CPS1: variants seen among roughly 807,000 people sequenced by gnomAD.
CPS1 encodes the protein carbamoyl-phosphate synthase [ammonia], mitochondrial.
A neutral mutation model predicts 174.6 loss-of-function variants in CPS1; 109 were observed. That is an observed-to-expected ratio of 0.62 (90% CI 0.53 to 0.73). The LOEUF (loss-of-function observed/expected upper bound fraction) is 0.73. Ranked by LOEUF, CPS1 falls within the 30% of genes least tolerant of loss-of-function variation. The pLI is 0.00. For missense variants in CPS1, 1,689 were observed against 1,821.9 expected (o/e 0.93, Z 1.33); for synonymous variants, 637 against 632.0 (o/e 1.01, Z -0.12).
At position 210,678,316 on chromosome 2, in the gene CPS1, C is replaced by T. The variant is rs908129810; in HGVS notation, c.*331C>T. 2.6e-5 allele frequency: 10 copies of T among 378,850 alleles called. No individual in the cohort carries two copies. Among genetic ancestry groups the T allele is most frequent in the South Asian group, 2.1e-4 (9 of 42,464 alleles). The allele number at this position is 378,850 out of a possible 1,614,324, so 23.5% of individuals were successfully genotyped here. A position where few individuals can be genotyped will look rare whatever the true frequency, so the allele number is the denominator to read the frequency against. On this transcript the variant is annotated 3_prime_UTR_variant, in exon 38 of 38. Coordinates refer to ENST00000233072, the MANE Select transcript of CPS1 (RefSeq NM_001875.5). The stretch of plus-strand genomic sequence containing the variant: ...GATCAAGGTAGGAAAAGTTGCTGTT[C>T]TATTTTCTGAACTCTTTCTATACTT...
rs1372183360 is a variant in CPS1, at chr2:210,512,859, T to TAG, written c.3+35094_3+35095insGA. On this transcript the variant is annotated intron_variant, in intron 1 of 38. Coordinates refer to the CPS1 transcript ENST00000430249. ...ATATACATATATGGAGATATATATA[T>TAG]ATAGATATATATATATAGAGATATA... 1.6e-4 allele frequency among the ~76,000 whole-genome samples: 9 copies of TAG among 55,560 alleles called. 2 individuals are homozygous for TAG. The highest frequency in any genetic ancestry group is 4.8e-4 in the African/African-American group (8 of 16,594). 36.4% of individuals were successfully genotyped at this position (55,560 alleles called of 152,430 possible).
intron 1 of CPS1, among the ~76,000 whole-genome samples, chr2:210,524,298 A>G (rs1013378650): frequency 1.3e-5 from 2 of 151,946 alleles, no homozygotes; most frequent in African/African-American, 2.4e-5. Flanking sequence ...TTGAACCTAC[A>G]TGATATCTAG....
At chr2:210,664,905 G>A (rs1435759704) in intron 33 of CPS1, among the ~76,000 whole-genome samples, 5 of 152,160 alleles carry the variant, frequency 3.3e-5, no homozygotes, top group Non-Finnish European at 7.4e-5. Context: ...CATTTTCAGT[G>A]TCCAAATGGC....
At chr2:210,525,814 A>AGT (rs962562249) in intron 1 of CPS1, among the ~76,000 whole-genome samples, 1 of 149,774 alleles carries the variant, frequency 6.7e-6, no homozygotes, top group Non-Finnish European at 1.5e-5. Context: ...ATGGAGAGAG[A>AGT]GAGAGAGAGA....
rs754222806 is a variant in CPS1, at chr2:210,600,537, TATTTG to T, written c.1550-17_1550-13del. 3.4e-5 allele frequency: 54 copies of T among 1,611,148 alleles called. No homozygotes were observed. In the African/African-American group the frequency reaches 6.5e-4, roughly 20 times the overall value. On this transcript the variant is annotated splice_polypyrimidine_tract_variant and intron_variant, in intron 14 of 37. Coordinates refer to ENST00000233072, the MANE Select transcript of CPS1 (RefSeq NM_001875.5). ...AATTCAAGATTTTAAAAACTAATCCTATTTGGTTCTTCTTTAGGAGTGGAACTATT... is the reference window on the plus strand; with the variant it reads ...AATTCAAGATTTTAAAAACTAATCCTGTTCTTCTTTAGGAGTGGAACTATT...
intron 1 of CPS1, among the ~76,000 whole-genome samples, chr2:210,512,964 AT>A (rs1559056199): frequency 4.4e-4 from 9 of 20,624 alleles, no homozygotes; most frequent in East Asian, 1.0e-3. Flanking sequence ...AGATATATAT[AT>A]GGAGATATAT....
chr2:210,495,820 G>C (rs1694978850), intron 1 of CPS1, among the ~76,000 whole-genome samples: 1 of 152,056 alleles, frequency 6.6e-6, no homozygotes. Context: ...ACCGAGCATA[G>C]AATTCACTAC....
At chr2:210,625,792 AGAAACAGGTAG>A (rs1237490395) in intron 21 of CPS1, among the ~76,000 whole-genome samples, 1 of 152,142 alleles carries the variant, frequency 6.6e-6, no homozygotes, top group Non-Finnish European at 1.5e-5. Flanking sequence ...ACACATAGTG[AGAAACAGGTAG>A]GTAAAGGTAT....
intron 23 of CPS1, 32 bp downstream of exon 23, chr2:210,639,247 G>A (rs1292064127): frequency 6.1e-6 from 9 of 1,473,718 alleles, no homozygotes; most frequent in Admixed American, 1.7e-5. Context: ...TATCCAGAAA[G>A]CTCTAGATTT....
chr2:210,657,226 A>G (rs1172551182), intron 30 of CPS1: 2 of 157,226 alleles, frequency 1.3e-5, no homozygotes, highest in African/African-American at 4.8e-5. Flanking sequence ...TCCGAGAGCC[A>G]GCCGTATAAA....
upstream of CPS1, chr2:210,556,222 G>A: frequency 2.6e-6 from 1 of 387,990 alleles, no homozygotes; most frequent in South Asian, 1.9e-5. Context: ...AAAGAACATT[G>A]TCTTTTTACC....
At chr2:210,548,045 G>A (rs867166483) in intron 1 of CPS1, among the ~76,000 whole-genome samples, 6 of 151,712 alleles carry the variant, frequency 4.0e-5, no homozygotes, top group African/African-American at 1.5e-4. Context: ...AAATTTTTGG[G>A]GTCAAAGTCT....
intron 1 of CPS1, among the ~76,000 whole-genome samples, chr2:210,512,578 C>G (rs1324726369): frequency 2.6e-5 from 4 of 150,986 alleles, no homozygotes; most frequent in Non-Finnish European, 5.9e-5. Flanking sequence ...GGTATATATG[C>G]AGCATGTTTT....
At chr2:210,536,579 G>T (rs1696260539) in intron 1 of CPS1, among the ~76,000 whole-genome samples, 1 of 152,090 alleles carries the variant, frequency 6.6e-6, no homozygotes, top group African/African-American at 2.4e-5. Flanking sequence ...GCCCGCCTCG[G>T]CCTCCCAAAG....
chr2:210,661,809 G>T (rs181250999), intron 32 of CPS1, among the ~76,000 whole-genome samples: 3 of 148,926 alleles, frequency 2.0e-5, no homozygotes, highest in African/African-American at 7.4e-5. Context: ...TTAAGTTCAT[G>T]TTTCTTTATT....
At chr2:210,521,388 T>A (rs1395190641) in intron 1 of CPS1, among the ~76,000 whole-genome samples, 1 of 151,874 alleles carries the variant, frequency 6.6e-6, no homozygotes, top group Non-Finnish European at 1.5e-5. Flanking sequence ...TATTATAATA[T>A]TCCTTGGTGT....
rs190550804 is a variant in CPS1, at chr2:210,593,939, G to A, written c.1165-569G>A. On this transcript the variant is annotated intron_variant, in intron 11 of 37. Transcript: ENST00000233072. ...TAGCATATATTAGTACTTCGGATTA[G>A]GAACATTGCAATTAAGATGTAATAA... Among the ~76,000 whole-genome samples, 620 of 151,870 alleles carry A rather than the reference G, an allele frequency of 4.1e-3. 3 individuals carry two copies. Among genetic ancestry groups the A allele is most frequent in the Middle Eastern group, 6.8e-3 (2 of 292 alleles).
intron 20 of CPS1, among the ~76,000 whole-genome samples, chr2:210,615,681 T>C (rs1328583107): frequency 6.6e-6 from 1 of 152,018 alleles, no homozygotes; most frequent in African/African-American, 2.4e-5. Context: ...TCAGTTAAAT[T>C]TTCTACTCAG....
intron 1 of CPS1, among the ~76,000 whole-genome samples, chr2:210,565,447 T>G (rs1697271795): frequency 6.6e-6 from 1 of 152,180 alleles, no homozygotes; most frequent in Non-Finnish European, 1.5e-5. Flanking sequence ...TTTCTTGATA[T>G]CCATATTAGC....
Sources: allele counts gnomAD v4.1 joint callset (sites outside exome capture counted in the v4.1 genomes callset), GRCh38; gene constraint gnomAD v4.1.1; transcripts MANE v1.5; gene names NCBI Gene and HGNC (gene_info 2026-07-23, HGNC 2026-07-21).